The following ASPM variants were observed in gnomAD, a reference collection of about 807,000 sequenced individuals.
The protein encoded by ASPM is abnormal spindle-like microcephaly-associated protein.
A neutral mutation model predicts 366.4 loss-of-function variants in ASPM; 256 were observed. That is an observed-to-expected ratio of 0.70 (90% CI 0.63 to 0.77). The LOEUF is 0.77. ASPM is among the 30% of genes least tolerant of loss of function. The probability of loss-of-function intolerance (pLI) is 0.00; values close to 1 mark genes in which losing one functional copy is unlikely to be tolerated. For synonymous variants in ASPM, 1,414 were observed against 1,342.9 expected, an observed-to-expected ratio of 1.05 and a Z score of -1.16; for missense variants, 4,146 against 4,090.4, an observed-to-expected ratio of 1.01 and a Z score of -0.37.
At chr1:197,085,649 A>C (rs1045303077) in intron 27 of ASPM, among the ~76,000 whole-genome samples, 3 of 152,210 alleles carry the variant, frequency 2.0e-5, no homozygotes, top group African/African-American at 7.2e-5. Context: ...ATCCAGTCAC[A>C]AAAAGCTATC....
rs750520517 is a variant in ASPM at position 197,104,598 on chromosome 1, C to T, written c.4653G>A (p.Leu1551=). 34 of 1,612,792 alleles carry T rather than the reference C, an allele frequency of 2.1e-5. No homozygotes were observed. The highest frequency in any genetic ancestry group is 2.5e-5 in the Non-Finnish European group (30 of 1,179,408). The stretch of plus-strand genomic sequence containing the variant: ...TTTGTCTACATAAATTATGAGCTTT[C>T]AGTCTCCTAAAAGCAGCTTGTAATT... ...AIQLQAAFRR[L]KAHNLCRQIR... Residue 1551 remains leucine, a synonymous_variant, in exon 18 of 28, where the codon CTG becomes CTA. Coordinates refer to ENST00000367409, the MANE Select transcript of ASPM (RefSeq NM_018136.5).
Position 197,103,709 on chromosome 1 carries a change from GCA to G in ASPM, c.5540_5541del (p.Val1847AlafsTer19), listed in dbSNP as rs781709178. 1.2e-6 allele frequency: 2 copies of G among 1,612,822 alleles called. No individual in the cohort carries two copies. The highest frequency in any genetic ancestry group is 2.2e-5 in the East Asian group (1 of 44,838). On this transcript the variant is annotated frameshift_variant, in exon 18 of 28. Transcript: ENST00000367409. LOFTEE classifies it high-confidence loss of function. ...CTCTGAATCTTTATTATAGATTGAA[GCA>G]CAGATTGATATTTTACCCTTTTATT... ...GYNKRVKYQS[V>X]LQSIIKIQRW... is the part of the protein sequence containing the mutation.
At chr1:197,126,168 C>T (rs1480644733) in intron 10 of ASPM, among the ~76,000 whole-genome samples, 3 of 152,100 alleles carry the variant, frequency 2.0e-5, no homozygotes, top group Admixed American at 6.6e-5. Context: ...TGGCCAGCCG[C>T]GGTGGCTCAC....
chr1:197,087,533 T>C (rs1009050413), intron 26 of ASPM, among the ~76,000 whole-genome samples: 1 of 106,184 alleles, frequency 9.4e-6, no homozygotes, highest in African/African-American at 2.6e-5. Flanking sequence ...GAAGGAATTA[T>C]TATAGTCAAC....
At chr1:197,106,096 G>GTA (rs1487058513) in intron 17 of ASPM, among the ~76,000 whole-genome samples, 2 of 152,012 alleles carry the variant, frequency 1.3e-5, no homozygotes, top group African/African-American at 2.4e-5. Flanking sequence ...TCCTATAGCA[G>GTA]TATCGAGTTT....
intron 17 of ASPM, among the ~76,000 whole-genome samples, chr1:197,115,809 T>C (rs2125101610): frequency 6.6e-6 from 1 of 152,318 alleles, no homozygotes; most frequent in East Asian, 1.9e-4. Flanking sequence ...TATCCAGACT[T>C]TGTTGTTCCA....
chr1:197,086,732 G>T, intron 27 of ASPM, 71 bp downstream of exon 27: 1 of 1,279,954 alleles, frequency 7.8e-7, no homozygotes, highest in Non-Finnish European at 1.1e-6. Flanking sequence ...TATGGTAAGT[G>T]CTCAATAAAT....
At chr1:197,094,749 A>G (rs1656914173) in intron 19 of ASPM, among the ~76,000 whole-genome samples, 1 of 151,774 alleles carries the variant, frequency 6.6e-6, no homozygotes, top group African/African-American at 2.4e-5. Context: ...TAATACTAAG[A>G]GATAAAATGT....
intron 1 of ASPM, among the ~76,000 whole-genome samples, chr1:197,145,550 G>T (rs1484388804): frequency 6.6e-6 from 1 of 151,708 alleles, no homozygotes; most frequent in Non-Finnish European, 1.5e-5. Flanking sequence ...CAGTTACCTC[G>T]ACTCTAAGGG....
In ASPM at chr1:197,090,206, T is replaced by G. The variant is rs2125088008; in HGVS notation, c.9819A>C (p.Leu3273Phe). The G allele has an allele frequency of 6.2e-7, 1 of 1,613,514 alleles. No individual in the cohort carries two copies. The highest frequency in any genetic ancestry group is 8.5e-7 in the Non-Finnish European group (1 of 1,179,650). ...YKHLSAILEA[L>F]KHLEVVTRLS... ...TTAACACAAACTAACCTAGGTGTTT[T>G]AAGGCCTCAAGAATGGCAGAAAGGT... Residue 3273 changes from leucine (L) to phenylalanine (F), a missense_variant, in exon 24 of 28, where the codon TTA (leucine) becomes TTC (phenylalanine). By Grantham distance (22) the Leu-to-Phe change is conservative. Around this residue, in one of 3 missense-constraint regions of ASPM, gnomAD observed 3,624 missense variants for 3,591.7 expected, o/e 1.01. Transcript: ENST00000367409.
chr1:197,108,673 T>G (rs1657486078), intron 17 of ASPM, among the ~76,000 whole-genome samples: 1 of 151,818 alleles, frequency 6.6e-6, no homozygotes, highest in Non-Finnish European at 1.5e-5. Flanking sequence ...CTATACAAAT[T>G]TAAAAAACAG....
chr1:197,094,218 TTAAC>T, intron 19 of ASPM, 38 bp from the exon 20 acceptor site: 1 of 1,293,104 alleles, frequency 7.7e-7, no homozygotes, highest in Non-Finnish European at 1.1e-6. Context: ...TCAAATTACT[TTAAC>T]TTATTCAATG....
Position 197,102,172 on chromosome 1 carries a change from G to T in ASPM, c.7079C>A (p.Ala2360Asp), listed in dbSNP as rs1420851401. The T allele has an allele frequency of 6.2e-7, 1 of 1,612,642 alleles. No homozygotes were observed. The highest frequency in any genetic ancestry group is 8.5e-7 in the Non-Finnish European group (1 of 1,179,262). ...GTATTGCTGTTGGATCACAACGGAG[G>T]CCTGTTTCAAAGCCTGATATCTCAT... ...LHMRYQALKQ[A>D]SVVIQQQYQA... Residue 2360 changes from alanine to aspartate, a missense_variant, in exon 18 of 28, where the codon GCC (alanine) becomes GAC (aspartate). Transcript: ENST00000367409.
intron 17 of ASPM, among the ~76,000 whole-genome samples, chr1:197,114,549 A>G (rs1657686486): frequency 1.3e-5 from 2 of 152,158 alleles, no homozygotes; most frequent in Admixed American, 6.5e-5. Flanking sequence ...AACTAAATTT[A>G]TATACTGTTT....
chr1:197,131,221 C>T (rs916182755), intron 7 of ASPM, among the ~76,000 whole-genome samples: 4 of 152,102 alleles, frequency 2.6e-5, no homozygotes, highest in African/African-American at 7.2e-5. Flanking sequence ...AGATCCTGTT[C>T]GGTCCCAAAG....
At chr1:197,096,206 T>A in intron 18 of ASPM, 42 bp from the exon 19 acceptor site, 8 of 1,500,062 alleles carry the variant, frequency 5.3e-6, no homozygotes, top group South Asian at 3.4e-5. Flanking sequence ...ATGAGTTGTC[T>A]CTTTTTTTTT....
chr1:197,094,711 A>G (rs7539642), intron 19 of ASPM, among the ~76,000 whole-genome samples: 118,917 of 151,524 alleles, frequency 0.78, 49,861 homozygotes, highest in East Asian at 1. Flanking sequence ...AAATCTGAGC[A>G]CTAGAGATTA....
rs1417512260 is a variant in ASPM, at chr1:197,103,810, C to T, written c.5441G>A (p.Gly1814Asp). The change falls in exon 18 of 28, where the codon GGT becomes GAT. Residue 1814 changes from glycine (G) to aspartate (D), a missense_variant. Physicochemically the swap from Gly to Asp is moderately conservative, Grantham distance 94 (BLOSUM62 -1). Around this residue, in one of 3 missense-constraint regions of ASPM, gnomAD observed 3,624 missense variants for 3,591.7 expected, o/e 1.01. Coordinates refer to ENST00000367409, the MANE Select transcript of ASPM (RefSeq NM_018136.5). Reference sequence around the variant, plus strand: ...TTTGATTAGCTGGCGTACTTTATAACCTCTGTAAGCTGCTTGCAAGCAAGT... The same window carrying T: ...TTTGATTAGCTGGCGTACTTTATAATCTCTGTAAGCTGCTTGCAAGCAAGT... The part of the protein sequence containing the change: ...AATCLQAAYR[G>D]YKVRQLIKQQ... The T allele has an allele frequency of 6.2e-7, 1 of 1,612,918 alleles. No individual in the cohort carries two copies. Among genetic ancestry groups the T allele is most frequent in the South Asian group, 1.1e-5 (1 of 91,066 alleles).
chr1:197,111,350 T>G (rs183551935), intron 17 of ASPM, among the ~76,000 whole-genome samples: 26 of 151,696 alleles, frequency 1.7e-4, no homozygotes, highest in African/African-American at 5.6e-4. Flanking sequence ...CCACTAAACA[T>G]CAGAAAAATA....
Sources: allele counts gnomAD v4.1 joint callset (sites outside exome capture counted in the v4.1 genomes callset), GRCh38; gene constraint gnomAD v4.1.1; regional missense constraint gnomAD v4.1.1; transcripts MANE v1.5; gene names NCBI Gene and HGNC (gene_info 2026-07-23, HGNC 2026-07-21).